Variants in RHOBTB1 observed in about 807,000 individuals in gnomAD.
RHOBTB1 encodes Rho related BTB domain containing 1.
A neutral mutation model predicts 71.6 loss-of-function variants in RHOBTB1; 40 were observed. The observed-to-expected ratio is 0.56, with a 90% CI of 0.43 to 0.73. The LOEUF (loss-of-function observed/expected upper bound fraction) is 0.73. RHOBTB1 is among the 30% of genes least tolerant of loss of function. RHOBTB1 has a pLI of 0.00. For missense variants in RHOBTB1, 797 were observed against 894.0 expected (o/e 0.89, Z 1.38); for synonymous variants, 319 against 334.9 (o/e 0.95, Z 0.52).
chr10:60,911,580 A>G (rs1219933997), intron 2 of RHOBTB1, 28 bp from the exon 3 acceptor site: 2 of 1,565,514 alleles, frequency 1.3e-6, no homozygotes, highest in South Asian at 2.2e-5. Context: ...ACACCACAGT[A>G]AGGACACCAA....
rs747745633 is a variant in RHOBTB1, at chr10:60,889,155, T to C, written c.513A>G (p.Pro171=). 4 of 1,612,714 alleles carry C rather than the reference T, an allele frequency of 2.5e-6. No individual in the cohort carries two copies. The highest frequency in any genetic ancestry group is 3.4e-6 in the Non-Finnish European group (4 of 1,179,282). ...CCTTTGCTACCTCTCGGCCTTTTTC[T>C]GGGGGCAAAATATCCCCTCTCTTTA... ...RPIKRGDILP[P]EKGREVAKEL... is the part of the protein sequence containing the mutation. The change falls in exon 6 of 11, where the codon CCA becomes CCG. Residue 171 remains proline, a synonymous_variant. Transcript: ENST00000337910.
At chr10:60,959,612 A>G (rs1464286088) in intron 2 of RHOBTB1, among the ~76,000 whole-genome samples, 1 of 152,226 alleles carries the variant, frequency 6.6e-6, no homozygotes, top group Non-Finnish European at 1.5e-5. Flanking sequence ...TCAGTCCTAC[A>G]GTGATGGCTC....
At chr10:60,943,589 G>A (rs1272119756) in intron 1 of RHOBTB1, among the ~76,000 whole-genome samples, 1 of 152,150 alleles carries the variant, frequency 6.6e-6, no homozygotes, top group Non-Finnish European at 1.5e-5. Flanking sequence ...CGGGTCCTCC[G>A]GTCCCCGCCC....
intron 4 of RHOBTB1, among the ~76,000 whole-genome samples, chr10:60,896,999 G>T (rs76187307): frequency 6.6e-6 from 1 of 151,916 alleles, no homozygotes; most frequent in Non-Finnish European, 1.5e-5. Flanking sequence ...GTTATCTTTC[G>T]AGGGGAACAC....
In RHOBTB1 at chr10:60,911,483, C is replaced by T; in HGVS notation, c.60G>A (p.Val20=). 5 of 1,614,204 alleles carry T rather than the reference C, an allele frequency of 3.1e-6. No individual in the cohort carries two copies. Among genetic ancestry groups the T allele is most frequent in the Non-Finnish European group, 4.2e-6 (5 of 1,180,042 alleles). Residue 20 remains valine, a synonymous_variant, in exon 3 of 11, where the codon GTG becomes GTA. Transcript: ENST00000337910. ...GCGTCTTCCCCACGGCATTGTCACC[C>T]ACGACCACACATTTGATAGTTTCAA... ...PNVETIKCVV[V]GDNAVGKTRL... is the part of the protein sequence containing the mutation.
intron 2 of RHOBTB1, among the ~76,000 whole-genome samples, chr10:60,914,352 G>A (rs1439678841): frequency 6.6e-6 from 1 of 152,180 alleles, no homozygotes; most frequent in Non-Finnish European, 1.5e-5. Flanking sequence ...GCATGGGGTA[G>A]TAGCCTGAAT....
At chr10:60,874,716 C>T (rs2080959211) in intron 9 of RHOBTB1, among the ~76,000 whole-genome samples, 1 of 152,056 alleles carries the variant, frequency 6.6e-6, no homozygotes, top group African/African-American at 2.4e-5. Flanking sequence ...AAGCTGGTGC[C>T]TTAGGGGACA....
intron 1 of RHOBTB1, among the ~76,000 whole-genome samples, chr10:60,991,401 C>A (rs1304836523): frequency 6.6e-6 from 1 of 151,256 alleles, no homozygotes; most frequent in African/African-American, 2.4e-5. Context: ...TCCTCTTCTG[C>A]ACTCCAGACA....
chr10:60,992,459 G>C (rs1589476758), intron 1 of RHOBTB1, among the ~76,000 whole-genome samples: 1 of 152,194 alleles, frequency 6.6e-6, no homozygotes, highest in African/African-American at 2.4e-5. Context: ...AAGGAGAGAA[G>C]ATATTTCAAA....
At chr10:60,968,742 C>A (rs963095436) in intron 2 of RHOBTB1, among the ~76,000 whole-genome samples, 2 of 152,136 alleles carry the variant, frequency 1.3e-5, no homozygotes, top group African/African-American at 4.8e-5. Context: ...TGTAGACAAA[C>A]ATCATTTCCT....
At chr10:60,986,239 G>A (rs2086655318) in intron 1 of RHOBTB1, among the ~76,000 whole-genome samples, 1 of 151,840 alleles carries the variant, frequency 6.6e-6, no homozygotes, top group Admixed American at 6.6e-5. Context: ...CTTCCAGGTG[G>A]AAGTAATAAT....
chr10:60,871,781 A>C, intron 10 of RHOBTB1, 130 bp from the exon 11 acceptor site: 1 of 820,440 alleles, frequency 1.2e-6, no homozygotes, highest in Non-Finnish European at 1.9e-6. Context: ...GATTAGGGCC[A>C]TTTGCAAAAG....
In RHOBTB1 at chr10:60,878,470, C is replaced by T. The variant is rs187778382; in HGVS notation, c.1576-412G>A. Among the ~76,000 whole-genome samples, 8 of 152,272 alleles carry T rather than the reference C, an allele frequency of 5.3e-5. No individual in the cohort carries two copies. In the East Asian group the frequency reaches 1.5e-3, roughly 29 times the overall value. ...TGCTGACATGATGGAGCCTAGTTCT[C>T]CAAGATGTCAAAAGAGAGGATGAGC... On this transcript the variant is annotated intron_variant, in intron 7 of 10. Coordinates refer to ENST00000337910, the MANE Select transcript of RHOBTB1 (RefSeq NM_014836.5).
chr10:60,954,138 AT>A (rs1252103774), intron 2 of RHOBTB1, among the ~76,000 whole-genome samples: 1 of 152,204 alleles, frequency 6.6e-6, no homozygotes, highest in African/African-American at 2.4e-5. Context: ...TGGTGAGAAT[AT>A]AGACCATTGG....
intron 2 of RHOBTB1, among the ~76,000 whole-genome samples, chr10:60,958,602 G>A (rs2085673624): frequency 6.6e-6 from 1 of 151,996 alleles, no homozygotes; most frequent in South Asian, 2.1e-4. Context: ...GGTTTATGTT[G>A]TTGTTTTGTT....
intron 5 of RHOBTB1, among the ~76,000 whole-genome samples, chr10:60,891,913 T>G (rs1352920401): frequency 6.6e-6 from 1 of 152,126 alleles, no homozygotes; most frequent in South Asian, 2.1e-4. Flanking sequence ...CCCCATGCTA[T>G]TCTCATAATA....
chr10:60,875,061 G>T lies in RHOBTB1; in HGVS notation c.1727-19C>A, dbSNP rs767153209. On this transcript the variant is annotated intron_variant, in intron 8 of 10. Coordinates refer to ENST00000337910, the MANE Select transcript of RHOBTB1 (RefSeq NM_014836.5). Reference sequence around the variant, plus strand: ...TGCTGTTCTGGGGAAGAGAGAGGGGGCAGGAGAACATTAAACCACGCCCTG... The same window carrying T: ...TGCTGTTCTGGGGAAGAGAGAGGGGTCAGGAGAACATTAAACCACGCCCTG... 14 of 1,604,402 alleles carry T rather than the reference G, an allele frequency of 8.7e-6. No homozygotes were observed. The highest frequency in any genetic ancestry group is 1.2e-5 in the Non-Finnish European group (14 of 1,171,282).
chr10:60,884,671 C>T (rs2081484534), intron 7 of RHOBTB1, among the ~76,000 whole-genome samples: 1 of 152,140 alleles, frequency 6.6e-6, no homozygotes, highest in South Asian at 2.1e-4. Context: ...GAGGAAAATT[C>T]TGTCATTCAA....
intron 4 of RHOBTB1, among the ~76,000 whole-genome samples, chr10:60,903,910 C>T (rs935603277): frequency 6.6e-6 from 1 of 152,092 alleles, no homozygotes; most frequent in African/African-American, 2.4e-5. Flanking sequence ...TAGTCTAACA[C>T]ACAAACCTTT....
Sources: gnomAD v4.1 joint callset for allele counts (sites outside exome capture counted in the v4.1 genomes callset) on GRCh38, gnomAD v4.1.1 for gene constraint, MANE v1.5 for transcripts, NCBI Gene and HGNC (gene_info 2026-07-23, HGNC 2026-07-21) for gene names.